The following DAAM2 variants were observed in gnomAD, a reference collection of about 807,000 sequenced individuals.
The protein encoded by DAAM2 is dishevelled associated activator of morphogenesis 2.
A neutral mutation model predicts 120.7 loss-of-function variants in DAAM2; 39 were observed. The observed-to-expected ratio is 0.32, with a 90% CI of 0.25 to 0.42. The LOEUF is 0.42. Among genes scored for constraint, DAAM2 ranks in the 10% least tolerant of loss-of-function variants. The pLI, the probability that DAAM2 is intolerant of heterozygous loss-of-function variation, is 1.00. For missense variants in DAAM2, 1,283 were observed against 1,401.7 expected (o/e 0.92, Z 1.35); for synonymous variants, 488 against 524.9 (o/e 0.93, Z 0.96).
intron 1 of DAAM2, among the ~76,000 whole-genome samples, chr6:39,802,085 G>C (rs576167699): frequency 6.6e-6 from 1 of 152,328 alleles, no homozygotes; most frequent in Non-Finnish European, 1.5e-5. Context: ...CCACCAGGAA[G>C]CATTGCACTA....
intron 1 of DAAM2, among the ~76,000 whole-genome samples, chr6:39,796,966 A>C (rs1761721142): frequency 6.6e-6 from 1 of 152,270 alleles, no homozygotes; most frequent in Non-Finnish European, 1.5e-5. Flanking sequence ...CCGTGAAAAT[A>C]CATGGGTTTA....
intron 1 of DAAM2, among the ~76,000 whole-genome samples, chr6:39,843,658 G>T (rs1332288820): frequency 6.6e-6 from 1 of 152,216 alleles, no homozygotes; most frequent in Non-Finnish European, 1.5e-5. Context: ...CAAGCGCAGG[G>T]CCCTTCTGAG....
rs1764951927 is a variant in DAAM2 at position 39,878,237 on chromosome 6, G to C, written c.1336G>C (p.Asp446His). ...INENEVKQWR[D>H]QAEKFRKEHM... Reference sequence around the variant, plus strand: ...CGAGAATGAAGTGAAACAGTGGCGAGACCAGGCAGAGAAGTTCCGGAAAGG... The same window carrying C: ...CGAGAATGAAGTGAAACAGTGGCGACACCAGGCAGAGAAGTTCCGGAAAGG... The change falls in exon 12 of 25, where the codon GAC (aspartate) becomes CAC (histidine). Residue 446 changes from aspartate to histidine, a missense_variant. Physicochemically the swap from Asp to His is moderately conservative, Grantham distance 81. This residue lies in a region of DAAM2 where 338 missense variants were observed against 443.9 expected (regional missense o/e 0.76). Coordinates refer to ENST00000274867, the MANE Select transcript of DAAM2 (RefSeq NM_001201427.2). The surrounding 1 kb of genome is among the most constrained non-coding windows in gnomAD (Gnocchi z 5.0). The C allele has an allele frequency of 6.2e-7, 1 of 1,614,024 alleles. No individual in the cohort carries two copies. Among genetic ancestry groups the C allele is most frequent in the South Asian group, 1.1e-5 (1 of 91,076 alleles).
chr6:39,867,646 C>T lies in DAAM2; in HGVS notation c.565C>T (p.Gln189Ter). 1 of 1,614,046 alleles carries T rather than the reference C, an allele frequency of 6.2e-7. No homozygotes were observed. The highest frequency in any genetic ancestry group is 8.5e-7 in the Non-Finnish European group (1 of 1,179,896). ...GCIKALMNNS[Q>*]GRAHVLAQPE... ...CATCAAAGCATTGATGAACAACTCC[C>T]AGGGGCGGGCACATGTGCTGGCACA... Residue 189 changes from glutamine to a stop codon, truncating the protein, a stop_gained, in exon 6 of 25, where the codon CAG (glutamine) becomes TAG (stop). Transcript: ENST00000274867. LOFTEE classifies it high-confidence loss of function.
At position 39,879,458 on chromosome 6, in the gene DAAM2, A is replaced by C. The variant is rs1765024501; in HGVS notation, c.1826A>C (p.Asn609Thr). The part of the protein sequence containing the change: ...PQPSHPLKSF[N>T]WVKLNEERVP... ...CCTTCTCACCCACTGAAGTCCTTCA[A>C]CTGGGTGAAGCTGAATGAGGTGAGC... Residue 609 changes from asparagine (N) to threonine (T), a missense_variant, in exon 14 of 25, where the codon AAC becomes ACC. Asn to Thr is a moderately conservative substitution (Grantham distance 65). This residue lies in a region of DAAM2 where 748 missense variants were observed against 768.6 expected (regional missense o/e 0.97). Coordinates refer to ENST00000274867, the MANE Select transcript of DAAM2 (RefSeq NM_001201427.2). 6.2e-7 allele frequency: 1 copy of C among 1,613,930 alleles called. No individual in the cohort carries two copies.
chr6:39,858,195 AC>A (rs1383162697), intron 2 of DAAM2, among the ~76,000 whole-genome samples: 1 of 152,174 alleles, frequency 6.6e-6, no homozygotes, highest in East Asian at 1.9e-4. Context: ...TTTGGATTAA[AC>A]CCTAAGGGCA....
chr6:39,860,468 A>G (rs1377637188), intron 2 of DAAM2, among the ~76,000 whole-genome samples: 3 of 152,228 alleles, frequency 2.0e-5, no homozygotes, highest in Non-Finnish European at 4.4e-5. Context: ...GTAGATGTGA[A>G]GGATGGGGCA....
intron 14 of DAAM2, among the ~76,000 whole-genome samples, chr6:39,880,218 G>A (rs1015910287): frequency 6.6e-6 from 1 of 152,244 alleles, no homozygotes; most frequent in Non-Finnish European, 1.5e-5. Context: ...GTTTCAGTTA[G>A]GTTGGCTCAC....
At chr6:39,852,238 C>T (rs1266480112) in intron 1 of DAAM2, among the ~76,000 whole-genome samples, 1 of 152,194 alleles carries the variant, frequency 6.6e-6, no homozygotes. Flanking sequence ...CCCCTTTTCT[C>T]CAAATTGCTT....
intron 1 of DAAM2, among the ~76,000 whole-genome samples, chr6:39,830,202 A>G (rs191794784): frequency 6.6e-6 from 1 of 152,236 alleles, no homozygotes; most frequent in Admixed American, 6.5e-5. Flanking sequence ...GCTGGACTGC[A>G]TTTATTTCAT....
At chr6:39,815,165 C>T (rs1042152538) in intron 1 of DAAM2, among the ~76,000 whole-genome samples, 7 of 152,242 alleles carry the variant, frequency 4.6e-5, no homozygotes, top group African/African-American at 7.2e-5. Context: ...ATCAAGCTCA[C>T]GTGGTGATCC....
intron 1 of DAAM2, among the ~76,000 whole-genome samples, chr6:39,799,528 A>G (rs1186006174): frequency 1.3e-5 from 2 of 152,286 alleles, no homozygotes; most frequent in East Asian, 3.9e-4. Context: ...ATGAAGTTCT[A>G]TTCTGATGGT....
At chr6:39,830,183 T>C (rs1231280618) in intron 1 of DAAM2, among the ~76,000 whole-genome samples, 2 of 152,284 alleles carry the variant, frequency 1.3e-5, no homozygotes, top group East Asian at 1.9e-4. Context: ...TGGATGCCCA[T>C]GGGGCAATGC....
Position 39,898,610 on chromosome 6 carries a change from ATCT to A in DAAM2, c.2619-263_2619-261del, listed in dbSNP as rs1189249125. Among the ~76,000 whole-genome samples, 5 of 152,356 alleles carry A rather than the reference ATCT, an allele frequency of 3.3e-5. No homozygotes were observed. In the East Asian group the frequency reaches 9.6e-4, roughly 29 times the overall value. On this transcript the variant is annotated intron_variant, in intron 21 of 24. Transcript: ENST00000274867. ...CTAAGCCAGAGGCCACAGGTTGGAAATCTTCTGATATTGCAGCATGACATTTCT... is the reference window on the plus strand; with the variant it reads ...CTAAGCCAGAGGCCACAGGTTGGAAATCTGATATTGCAGCATGACATTTCT...
intron 9 of DAAM2, among the ~76,000 whole-genome samples, chr6:39,873,003 A>G (rs750980884): frequency 3.9e-5 from 6 of 152,340 alleles, no homozygotes; most frequent in Non-Finnish European, 8.8e-5. Flanking sequence ...CAGCCCCCAC[A>G]ATGAGTAATT....
intron 16 of DAAM2, chr6:39,887,902 G>A: frequency 5.9e-6 from 2 of 336,958 alleles, no homozygotes; most frequent in Non-Finnish European, 5.6e-6. Context: ...CATTTCCCGC[G>A]GCTGCAGAAC....
At chr6:39,893,848 G>A (rs1320460950) in intron 19 of DAAM2, among the ~76,000 whole-genome samples, 1 of 152,152 alleles carries the variant, frequency 6.6e-6, no homozygotes, top group African/African-American at 2.4e-5. Flanking sequence ...AGTTCTCCCA[G>A]GAAGTATTCC....
At chr6:39,808,773 G>T (rs538745577) in intron 1 of DAAM2, among the ~76,000 whole-genome samples, 36 of 152,364 alleles carry the variant, frequency 2.4e-4, no homozygotes, top group African/African-American at 6.7e-4. Flanking sequence ...TTAACTCTCA[G>T]TTCAGCAGCA....
intron 1 of DAAM2, among the ~76,000 whole-genome samples, chr6:39,817,066 T>C (rs1007433446): frequency 6.6e-6 from 1 of 152,208 alleles, no homozygotes; most frequent in African/African-American, 2.4e-5. Context: ...GAACATTTTC[T>C]AGGGAAGTTT....
Sources: gnomAD v4.1 joint callset for allele counts (sites outside exome capture counted in the v4.1 genomes callset) on GRCh38, gnomAD v4.1.1 for gene constraint, gnomAD v4.1.1 regional missense constraint, Gnocchi (gnomAD v3.1) non-coding constraint, MANE v1.5 for transcripts, NCBI Gene and HGNC (gene_info 2026-07-23, HGNC 2026-07-21) for gene names.